The following ZNF70 variants were observed in gnomAD, a reference collection of about 807,000 sequenced individuals.
The protein encoded by ZNF70 is zinc finger protein 70.
In ZNF70, 18 loss-of-function variants were observed where a neutral mutation model predicts 37.7. That is an observed-to-expected ratio of 0.48 (90% CI 0.33 to 0.71). The LOEUF (loss-of-function observed/expected upper bound fraction) is 0.71, where lower values mean the gene tolerates loss of function less well. Among genes scored for constraint, ZNF70 ranks in the 30% least tolerant of loss-of-function variants. The pLI is 0.02. For missense variants in ZNF70, 506 were observed against 568.6 expected, an observed-to-expected ratio of 0.89 and a Z score of 1.12; for synonymous variants, 219 against 220.1, an observed-to-expected ratio of 0.99 and a Z score of 0.05.
At position 23,743,846 on chromosome 22, in the gene ZNF70, G is replaced by A. The variant is rs1336598248; in HGVS notation, c.1295C>T (p.Ser432Leu). 5.0e-6 allele frequency: 8 copies of A among 1,614,112 alleles called. No individual in the cohort carries two copies. Among genetic ancestry groups the A allele is most frequent in the Admixed American group, 1.7e-5 (1 of 60,012 alleles). Reference protein sequence around the residue: ...NLCGKSFRGSSHLIRHQKIHS... With the variant: ...NLCGKSFRGSLHLIRHQKIHS... ...AATCTTCTGATGGCGAATCAGGTGC[G>A]AGCTCCCCCGGAAGGACTTGCCGCA... Residue 432 changes from serine to leucine, a missense_variant, in exon 2 of 2, where the codon TCG becomes TTG. Coordinates refer to ENST00000341976, the MANE Select transcript of ZNF70 (RefSeq NM_021916.4).
In ZNF70 at chr22:23,744,230, C is replaced by A; in HGVS notation, c.911G>T (p.Gly304Val). 1 of 1,613,444 alleles carries A rather than the reference C, an allele frequency of 6.2e-7. No homozygotes were observed. The highest frequency in any genetic ancestry group is 8.5e-7 in the Non-Finnish European group (1 of 1,179,850). ...HLIRHQRIHT[G>V]KKPYKCDECG... ...CTCATCGCATTTGTATGGTTTCTTC[C>A]CAGTGTGGATCCGCTGGTGTCGGAT... The change falls in exon 2 of 2, where the codon GGG becomes GTG. Residue 304 changes from glycine (G) to valine (V), a missense_variant. Coordinates refer to ENST00000341976, the MANE Select transcript of ZNF70 (RefSeq NM_021916.4).
intron 1 of ZNF70, among the ~76,000 whole-genome samples, chr22:23,747,551 T>C (rs1273478735): frequency 6.6e-6 from 1 of 151,834 alleles, no homozygotes; most frequent in Non-Finnish European, 1.5e-5. Flanking sequence ...AACAGACAAG[T>C]CCGGGCGCGG....
chr22:23,746,201 C>CTTTTT (rs760293135), intron 1 of ZNF70, among the ~76,000 whole-genome samples: 43 of 114,216 alleles, frequency 3.8e-4, no homozygotes, highest in Non-Finnish European at 4.5e-4. Flanking sequence ...TGGTGGTTCC[C>CTTTTT]TTTTTTTTTT....
rs1417777420 is a variant in ZNF70, at chr22:23,740,824, C to G, written c.*2976G>C. The G allele has an allele frequency of 6.6e-6, 1 of 150,646 alleles. No homozygotes were observed. The highest frequency in any genetic ancestry group is 1.5e-5 in the Non-Finnish European group (1 of 67,750). 9.3% of individuals were successfully genotyped at this position (150,646 alleles called of 1,614,324 possible). A position where few individuals can be genotyped will look rare whatever the true frequency, so the allele number is the denominator to read the frequency against. ...GAATTTGAACAGAGGGAATGAGGCT[C>G]TGGTCATACTTCCAAAAAAGAACCT... On this transcript the variant is annotated 3_prime_UTR_variant, in exon 2 of 2. Coordinates refer to ENST00000341976, the MANE Select transcript of ZNF70 (RefSeq NM_021916.4).
chr22:23,746,185 T>C (rs1445191082), intron 1 of ZNF70, among the ~76,000 whole-genome samples: 2 of 150,448 alleles, frequency 1.3e-5, no homozygotes, highest in African/African-American at 2.5e-5. Flanking sequence ...AACATAAGCC[T>C]GATTATGGTG....
At chr22:23,750,436 C>A (rs1283174436) in intron 1 of ZNF70, among the ~76,000 whole-genome samples, 1 of 152,082 alleles carries the variant, frequency 6.6e-6, no homozygotes, top group Non-Finnish European at 1.5e-5. Flanking sequence ...TGAGCTACCC[C>A]CCAACCCCAT....
rs1180923433 is a variant in ZNF70 at position 23,745,063 on chromosome 22, G to A, written c.78C>T (p.Phe26=). 3 of 1,614,172 alleles carry A rather than the reference G, an allele frequency of 1.9e-6. No homozygotes were observed. The highest frequency in any genetic ancestry group is 2.5e-6 in the Non-Finnish European group (3 of 1,180,028). ...ENRLESQQGL[F]PGEDLGDPFL... The stretch of plus-strand genomic sequence containing the variant: ...AAGGGTCCCCCAGGTCCTCCCCTGG[G>A]AAAAGCCCTTGTTGTGACTCTAACC... Residue 26 remains phenylalanine (F), a synonymous_variant, in exon 2 of 2, where the codon TTC becomes TTT. Coordinates refer to ENST00000341976, the MANE Select transcript of ZNF70 (RefSeq NM_021916.4).
intron 1 of ZNF70, among the ~76,000 whole-genome samples, chr22:23,749,348 CAAAAAAAAAAAAAAAAAAA>C (rs757866335): frequency 9.8e-4 from 14 of 14,352 alleles, no homozygotes; most frequent in Middle Eastern, 0.045. Context: ...GACTCCATCT[CAAAAAAAAAAAAAAAAAAA>C]AAAAAAAAAA....
At position 23,744,860 on chromosome 22, in the gene ZNF70, G is replaced by T. The variant is rs1464754673; in HGVS notation, c.281C>A (p.Thr94Asn). 6.2e-7 allele frequency: 1 copy of T among 1,614,234 alleles called. No individual in the cohort carries two copies. Among genetic ancestry groups the T allele is most frequent in the Non-Finnish European group, 8.5e-7 (1 of 1,180,036 alleles). Residue 94 changes from threonine to asparagine, a missense_variant, in exon 2 of 2, where the codon ACC becomes AAC. Coordinates refer to ENST00000341976, the MANE Select transcript of ZNF70 (RefSeq NM_021916.4). ...RPQDDELFGQ[T>N]FLQKSDLSMC... The stretch of plus-strand genomic sequence containing the variant: ...GCTGAGGTCGGATTTCTGGAGGAAG[G>T]TTTGTCCGAAGAGCTCATCATCCTG...
intron 1 of ZNF70, among the ~76,000 whole-genome samples, chr22:23,749,219 G>A (rs1019596895): frequency 2.0e-5 from 3 of 151,636 alleles, no homozygotes; most frequent in Non-Finnish European, 2.9e-5. Flanking sequence ...AAATTACAGC[G>A]CGTCTGTAAT....
intron 1 of ZNF70, 30 bp from the exon 2 acceptor site, chr22:23,745,249 T>G: frequency 7.9e-7 from 1 of 1,260,976 alleles, no homozygotes; most frequent in Non-Finnish European, 1.1e-6. Context: ...CTCTGTCAAG[T>G]CAGCAAGTCA....
rs1397836700 is a variant in ZNF70 at position 23,741,603 on chromosome 22, T to G, written c.*2197A>C. The G allele has an allele frequency of 2.0e-5, 3 of 152,222 alleles. No homozygotes were observed. Among genetic ancestry groups the G allele is most frequent in the Non-Finnish European group, 4.4e-5 (3 of 68,048 alleles). The allele number at this position is 152,222 out of a possible 1,614,324, so 9.4% of individuals were successfully genotyped here. A position where few individuals can be genotyped will look rare whatever the true frequency, so the allele number is the denominator to read the frequency against. On this transcript the variant is annotated 3_prime_UTR_variant, in exon 2 of 2. Coordinates refer to ENST00000341976, the MANE Select transcript of ZNF70 (RefSeq NM_021916.4). ...ACAGTTATGGCTTTCCCATGTTTAT[T>G]CATCAAAACTAGGCATAATGGCCAT...
intron 1 of ZNF70, among the ~76,000 whole-genome samples, chr22:23,747,569 C>T (rs1302794621): frequency 2.0e-5 from 3 of 152,158 alleles, no homozygotes; most frequent in Non-Finnish European, 4.4e-5. Flanking sequence ...CGGTGGCTCA[C>T]ACCTGTAATC....
rs1236102290 is a variant in ZNF70, at chr22:23,744,842, T to C, written c.299A>G (p.Asp100Gly). 1 of 1,614,180 alleles carries C rather than the reference T, an allele frequency of 6.2e-7. No homozygotes were observed. Among genetic ancestry groups the C allele is most frequent in the Admixed American group, 1.7e-5 (1 of 60,030 alleles). Residue 100 changes from aspartate (D) to glycine (G), a missense_variant, in exon 2 of 2, where the codon GAC (aspartate) becomes GGC (glycine). By Grantham distance (94) the Asp-to-Gly change is moderately conservative. Transcript: ENST00000341976. ...LFGQTFLQKS[D>G]LSMCQIIHSE... ...GTGGATTATCTGACACATGCTGAGG[T>C]CGGATTTCTGGAGGAAGGTTTGTCC...
chr22:23,740,820 G>GGC lies in ZNF70; in HGVS notation c.*2978_*2979dup, dbSNP rs956258002. The stretch of plus-strand genomic sequence containing the variant: ...GAAAGAATTTGAACAGAGGGAATGA[G>GGC]GCTCTGGTCATACTTCCAAAAAAGA... On this transcript the variant is annotated 3_prime_UTR_variant, in exon 2 of 2. Coordinates refer to ENST00000341976, the MANE Select transcript of ZNF70 (RefSeq NM_021916.4). 6.7e-6 allele frequency: 1 copy of GGC among 150,234 alleles called. No individual in the cohort carries two copies. Among genetic ancestry groups the GGC allele is most frequent in the Non-Finnish European group, 1.5e-5 (1 of 67,688 alleles). The allele number at this position is 150,234 out of a possible 1,614,324, so 9.3% of individuals were successfully genotyped here.
intron 1 of ZNF70, among the ~76,000 whole-genome samples, chr22:23,748,379 A>T (rs1925203573): frequency 1.3e-5 from 2 of 152,106 alleles, no homozygotes; most frequent in South Asian, 4.2e-4. Context: ...AGCTGGGACT[A>T]CAGGGGCATA....
chr22:23,745,369 G>C, intron 1 of ZNF70, 150 bp from the exon 2 acceptor site: 1 of 578,260 alleles, frequency 1.7e-6, no homozygotes, highest in Non-Finnish European at 3.0e-6. Context: ...TTAGAGGCAA[G>C]TTTTGCTTAC....
intron 1 of ZNF70, among the ~76,000 whole-genome samples, chr22:23,749,085 G>A (rs1003632719): frequency 2.0e-5 from 3 of 151,548 alleles, no homozygotes; most frequent in South Asian, 2.1e-4. Flanking sequence ...AAAAAAGGCC[G>A]GACGCGGTGG....
In ZNF70 at chr22:23,745,016, T is replaced by A. The variant is rs1490028818; in HGVS notation, c.125A>T (p.Glu42Val). 1 of 1,614,044 alleles carries A rather than the reference T, an allele frequency of 6.2e-7. No individual in the cohort carries two copies. The highest frequency in any genetic ancestry group is 8.5e-7 in the Non-Finnish European group (1 of 1,180,046). Residue 42 changes from glutamate (E) to valine (V), a missense_variant, in exon 2 of 2, where the codon GAG becomes GTG. Glu to Val is a moderately radical substitution (Grantham distance 121, BLOSUM62 -2). Transcript: ENST00000341976. Reference protein sequence around the residue: ...GDPFLQERGLEQMAVIYKEIP... With the variant: ...GDPFLQERGLVQMAVIYKEIP... ...CTCCTTGTAGATCACAGCCATTTGC[T>A]CCAAACCTCTTTCCTGAAGAAAAGG...
Sources: gnomAD v4.1 joint callset for allele counts (sites outside exome capture counted in the v4.1 genomes callset) on GRCh38, gnomAD v4.1.1 for gene constraint, MANE v1.5 for transcripts, NCBI Gene and HGNC (gene_info 2026-07-23, HGNC 2026-07-21) for gene names.